The following CAMKMT variants were observed in gnomAD, a reference collection of about 807,000 sequenced individuals.
CAMKMT encodes the protein calmodulin-lysine N-methyltransferase, also known as CaM KMT.
In CAMKMT, 53 loss-of-function variants were observed where a neutral mutation model predicts 48.0. The observed-to-expected ratio is 1.10, with a 90% CI of 0.89 to 1.39. The LOEUF (loss-of-function observed/expected upper bound fraction) is 1.39, where lower values mean the gene tolerates loss of function less well. Ranked by LOEUF, CAMKMT falls within the 40% of genes most tolerant of loss-of-function variation. The pLI is 0.00. For missense variants in CAMKMT, 428 were observed against 402.7 expected, an observed-to-expected ratio of 1.06 and a Z score of -0.54; for synonymous variants, 165 against 152.3, an observed-to-expected ratio of 1.08 and a Z score of -0.61.
At chr2:44,570,851 A>G (rs556296011) in intron 3 of CAMKMT, among the ~76,000 whole-genome samples, 4 of 152,328 alleles carry the variant, frequency 2.6e-5, no homozygotes, top group African/African-American at 9.6e-5. Flanking sequence ...TAAGAAGATC[A>G]TTGGGGATTG....
intron 3 of CAMKMT, among the ~76,000 whole-genome samples, chr2:44,633,613 CT>C (rs1159845220): frequency 1.3e-5 from 2 of 151,964 alleles, no homozygotes; most frequent in African/African-American, 4.8e-5. Context: ...TGTTTTCTTT[CT>C]TTTTGGTTTC....
chr2:44,640,151 A>C (rs1379454747), intron 3 of CAMKMT, among the ~76,000 whole-genome samples: 1 of 152,222 alleles, frequency 6.6e-6, no homozygotes, highest in Non-Finnish European at 1.5e-5. Context: ...TGTGTCATCA[A>C]ATAGGAAGAT....
chr2:44,603,636 G>T (rs962133131), intron 3 of CAMKMT, among the ~76,000 whole-genome samples: 1 of 152,158 alleles, frequency 6.6e-6, no homozygotes, highest in Non-Finnish European at 1.5e-5. Context: ...TTCCACCAAG[G>T]CTGGATGGAG....
chr2:44,419,413 T>C (rs1400893677), intron 3 of CAMKMT, among the ~76,000 whole-genome samples: 3 of 152,182 alleles, frequency 2.0e-5, no homozygotes, highest in Non-Finnish European at 4.4e-5. Context: ...TATGTATTCT[T>C]GAACTCAGCA....
intron 3 of CAMKMT, among the ~76,000 whole-genome samples, chr2:44,617,488 C>G (rs1379107212): frequency 6.6e-6 from 1 of 152,178 alleles, no homozygotes; most frequent in East Asian, 1.9e-4. Flanking sequence ...GTCACAACAT[C>G]TTGATGATAC....
intron 3 of CAMKMT, among the ~76,000 whole-genome samples, chr2:44,659,635 A>T (rs963832542): frequency 6.6e-6 from 1 of 151,984 alleles, no homozygotes. Context: ...ATAAAGTTCC[A>T]TTCTCTTTAT....
chr2:44,509,721 C>T (rs1670442309), intron 3 of CAMKMT, among the ~76,000 whole-genome samples: 3 of 152,172 alleles, frequency 2.0e-5, no homozygotes, highest in South Asian at 2.1e-4. Context: ...TTGCAGGACT[C>T]GGTAATTCTC....
Position 44,519,332 on chromosome 2 carries a change from G to A in CAMKMT, c.376+129027G>A, listed in dbSNP as rs149607533. 3.0e-3 allele frequency among the ~76,000 whole-genome samples: 461 copies of A among 152,238 alleles called. 5 individuals are homozygous for A. Among genetic ancestry groups the A allele is most frequent in the African/African-American group, 0.011 (441 of 41,536 alleles). On this transcript the variant is annotated intron_variant, in intron 3 of 10. Transcript: ENST00000378494. The stretch of plus-strand genomic sequence containing the variant: ...CCATTGGAACATATTTTGAAGCAGA[G>A]ATATGTGTTTGTAGAGAGCATTATA...
At chr2:44,532,109 C>A (rs779685387) in intron 3 of CAMKMT, among the ~76,000 whole-genome samples, 2 of 152,210 alleles carry the variant, frequency 1.3e-5, no homozygotes, top group East Asian at 3.9e-4. Context: ...CGGCTACTTG[C>A]TGGTATAGTG....
intron 3 of CAMKMT, among the ~76,000 whole-genome samples, chr2:44,404,072 A>G (rs1463838972): frequency 1.3e-5 from 2 of 152,178 alleles, no homozygotes; most frequent in Non-Finnish European, 2.9e-5. Context: ...CTATGTCTAA[A>G]TCACTTACTA....
intron 7 of CAMKMT, among the ~76,000 whole-genome samples, chr2:44,731,170 G>A (rs571796981): frequency 1.5e-4 from 23 of 152,222 alleles, no homozygotes; most frequent in Middle Eastern, 6.8e-3. Context: ...GCGAAACCCC[G>A]TCTCTACTAT....
At chr2:44,480,913 AGAT>A (rs779995055) in intron 3 of CAMKMT, among the ~76,000 whole-genome samples, 13 of 152,098 alleles carry the variant, frequency 8.5e-5, no homozygotes, top group Non-Finnish European at 1.5e-4. Flanking sequence ...TATTTATTGA[AGAT>A]AAAGGAAATG....
chr2:44,663,172 C>G (rs144225412), intron 3 of CAMKMT, among the ~76,000 whole-genome samples: 2 of 152,302 alleles, frequency 1.3e-5, no homozygotes, highest in East Asian at 1.9e-4. Flanking sequence ...GATCCACACT[C>G]AAGTCTCACC....
chr2:44,376,419 CAAAA>C (rs567674110), intron 2 of CAMKMT, among the ~76,000 whole-genome samples: 4 of 104,794 alleles, frequency 3.8e-5, no homozygotes, highest in Admixed American at 1.0e-4. Context: ...GACTCTGTAT[CAAAA>C]AAAAAAAAAA....
intron 3 of CAMKMT, among the ~76,000 whole-genome samples, chr2:44,644,128 T>C (rs1219834783): frequency 2.0e-5 from 3 of 152,180 alleles, no homozygotes; most frequent in Non-Finnish European, 2.9e-5. Context: ...AGAAATCAAA[T>C]TGTACAAGTG....
At chr2:44,702,343 G>A (rs1419597612) in intron 3 of CAMKMT, among the ~76,000 whole-genome samples, 1 of 152,130 alleles carries the variant, frequency 6.6e-6, no homozygotes, top group South Asian at 2.1e-4. Context: ...ATTGGGATAC[G>A]AATTTTGGAT....
At chr2:44,430,131 TA>T (rs1684561188) in intron 3 of CAMKMT, among the ~76,000 whole-genome samples, 1 of 152,038 alleles carries the variant, frequency 6.6e-6, no homozygotes. Flanking sequence ...GTATTCCATG[TA>T]AAACAGTGGT....
rs115300805 is a variant in CAMKMT, at chr2:44,439,914, G to A, written c.376+49609G>A. 9.5e-3 allele frequency among the ~76,000 whole-genome samples: 1,445 copies of A among 152,204 alleles called. 16 individuals are homozygous for A. The highest frequency in any genetic ancestry group is 0.015 in the Non-Finnish European group (1,014 of 68,010). ...TGCTATAAGTCAAGAAATGTCAGGA[G>A]CCAACAACAGAGTTACTGAATGAAA... On this transcript the variant is annotated intron_variant, in intron 3 of 10. Transcript: ENST00000378494.
intron 1 of CAMKMT, among the ~76,000 whole-genome samples, chr2:44,371,830 AT>A: frequency 6.6e-6 from 1 of 152,270 alleles, no homozygotes; most frequent in Non-Finnish European, 1.5e-5. Context: ...GAAATATCTG[AT>A]CAGTTTTCAA....
Sources: gnomAD v4.1 joint callset for allele counts (sites outside exome capture counted in the v4.1 genomes callset) on GRCh38, gnomAD v4.1.1 for gene constraint, MANE v1.5 for transcripts, NCBI Gene and HGNC (gene_info 2026-07-23, HGNC 2026-07-21) for gene names.